Variants in GRID2 observed in about 807,000 individuals in gnomAD.
GRID2 encodes the protein glutamate ionotropic receptor delta type subunit 2, also known as glutamate receptor ionotropic, delta-2.
GRID2 carries 33 observed loss-of-function variants against 114.8 expected under a neutral mutation model. The ratio of observed to expected loss-of-function variants is 0.29; its 90% CI spans 0.22 to 0.38. The LOEUF (loss-of-function observed/expected upper bound fraction) is 0.38. Among genes scored for constraint, GRID2 ranks in the 10% least tolerant of loss-of-function variants. The pLI, the probability that GRID2 is intolerant of heterozygous loss-of-function variation, is 1.00. For missense variants in GRID2, 1,184 were observed against 1,257.7 expected (o/e 0.94, Z 0.89); for synonymous variants, 505 against 449.9 (o/e 1.12, Z -1.55).
intron 4 of GRID2, among the ~76,000 whole-genome samples, chr4:93,201,725 A>G (rs555724071): frequency 1.8e-3 from 267 of 152,332 alleles, no homozygotes; most frequent in African/African-American, 6.1e-3. Context: ...CTAGTGAGAA[A>G]CAAGCTCGGG....
At chr4:92,979,244 A>G (rs939528885) in intron 2 of GRID2, among the ~76,000 whole-genome samples, 4 of 151,994 alleles carry the variant, frequency 2.6e-5, no homozygotes, top group African/African-American at 9.7e-5. Context: ...AATATTCTGG[A>G]TACATTTAAC....
intron 2 of GRID2, among the ~76,000 whole-genome samples, chr4:92,646,180 A>G (rs1223237699): frequency 1.3e-4 from 1 of 7,812 alleles, no homozygotes; most frequent in Non-Finnish European, 5.2e-4. Context: ...CAGTTCATCT[A>G]TAATTAATAA....
rs555215818 is a variant in GRID2, at chr4:93,186,620, C to T, written c.736-20784C>T. ...TTTTTGTTTTGTTTTGTTTTAGCTA[C>T]TTTTGGTATTTTTCAAATATTTTAA... is the stretch of plus-strand genomic sequence containing the variant. On this transcript the variant is annotated intron_variant, in intron 4 of 15. Coordinates refer to ENST00000282020, the MANE Select transcript of GRID2 (RefSeq NM_001510.4). Among the ~76,000 whole-genome samples the T allele has an allele frequency of 5.3e-5, 8 of 152,166 alleles. No homozygotes were observed. In the East Asian group the frequency reaches 1.4e-3, roughly 26 times the overall value.
intron 14 of GRID2, among the ~76,000 whole-genome samples, chr4:93,763,442 C>A (rs1009458489): frequency 6.6e-6 from 1 of 152,152 alleles, no homozygotes; most frequent in East Asian, 1.9e-4. Flanking sequence ...CAAATTGTAG[C>A]ATGAATACAT....
At chr4:92,655,620 CTT>C (rs894557457) in intron 2 of GRID2, among the ~76,000 whole-genome samples, 6 of 149,810 alleles carry the variant, frequency 4.0e-5, no homozygotes, top group Non-Finnish European at 7.4e-5. Flanking sequence ...TCTAAGTATT[CTT>C]TTTTTTTGTA....
chr4:92,344,766 T>C (rs944634502), intron 1 of GRID2, among the ~76,000 whole-genome samples: 25 of 152,138 alleles, frequency 1.6e-4, no homozygotes, highest in African/African-American at 5.3e-4. Flanking sequence ...CCCAAAGAGA[T>C]AGAGGGAAGC....
intron 1 of GRID2, among the ~76,000 whole-genome samples, chr4:92,386,550 A>C (rs894535351): frequency 2.0e-5 from 3 of 151,840 alleles, no homozygotes; most frequent in Non-Finnish European, 4.4e-5. Context: ...AAAAATAAAA[A>C]ATCTTTTATG....
intron 2 of GRID2, among the ~76,000 whole-genome samples, chr4:93,066,699 G>A (rs777725280): frequency 2.0e-5 from 3 of 151,756 alleles, no homozygotes; most frequent in Non-Finnish European, 4.4e-5. Flanking sequence ...AGCAACCTAA[G>A]CATATGATTT....
intron 13 of GRID2, among the ~76,000 whole-genome samples, chr4:93,595,434 GC>G (rs1738980884): frequency 6.6e-6 from 1 of 152,118 alleles, no homozygotes; most frequent in Admixed American, 6.5e-5. Flanking sequence ...GGGAACTTGG[GC>G]AAATTATTGA....
chr4:92,884,986 T>C, intron 2 of GRID2: 1 of 293,628 alleles, frequency 3.4e-6, no homozygotes, highest in South Asian at 3.4e-5. Flanking sequence ...TAAAGGTGTA[T>C]AGGATTAATT....
chr4:93,427,022 C>T (rs1261539953), intron 10 of GRID2, among the ~76,000 whole-genome samples: 1 of 151,714 alleles, frequency 6.6e-6, no homozygotes, highest in African/African-American at 2.4e-5. Context: ...TCATGAATGC[C>T]AACAGAAAAT....
At chr4:92,716,691 G>C (rs529567287) in intron 2 of GRID2, among the ~76,000 whole-genome samples, 136 of 152,228 alleles carry the variant, frequency 8.9e-4, no homozygotes, top group African/African-American at 3.1e-3. Flanking sequence ...GCATCACATA[G>C]GGAGTTGCCT....
At position 93,774,118 on chromosome 4, in the gene GRID2, A is replaced by T. The variant is rs1485384686; in HGVS notation, c.*1620A>T. ...AGAAATTAAAAGGTATATTCTTAAG[A>T]TATATTATATTTTGATGCTAATTCT... On this transcript the variant is annotated 3_prime_UTR_variant, in exon 16 of 16. Transcript: ENST00000282020. 1 of 152,052 alleles carries T rather than the reference A, an allele frequency of 6.6e-6. No homozygotes were observed. Among genetic ancestry groups the T allele is most frequent in the Non-Finnish European group, 1.5e-5 (1 of 67,954 alleles). The allele number at this position is 152,052 out of a possible 1,614,324, so 9.4% of individuals were successfully genotyped here. A position where few individuals can be genotyped will look rare whatever the true frequency, so the allele number is the denominator to read the frequency against.
intron 2 of GRID2, among the ~76,000 whole-genome samples, chr4:92,960,180 C>T (rs1186404695): frequency 6.6e-6 from 1 of 151,818 alleles, no homozygotes; most frequent in East Asian, 1.9e-4. Context: ...TTTTATGGCC[C>T]AGAATGTGGT....
chr4:92,548,495 G>A (rs1473845209), intron 1 of GRID2, among the ~76,000 whole-genome samples: 3 of 138,844 alleles, frequency 2.2e-5, no homozygotes, highest in Middle Eastern at 3.8e-3. Context: ...TCCGCCTGCC[G>A]GGTTCAAGTG....
chr4:93,158,071 C>A (rs1027643673), intron 4 of GRID2, among the ~76,000 whole-genome samples: 1 of 151,820 alleles, frequency 6.6e-6, no homozygotes, highest in African/African-American at 2.4e-5. Context: ...TATTACACAA[C>A]TTTCTCAATC....
At chr4:92,332,057 T>A (rs190920602) in intron 1 of GRID2, among the ~76,000 whole-genome samples, 4 of 152,284 alleles carry the variant, frequency 2.6e-5, no homozygotes, top group Non-Finnish European at 2.9e-5. Flanking sequence ...TCTCAGAAAT[T>A]ATGCTTGAAG....
rs189900986 is a variant in GRID2 at position 92,564,948 on chromosome 4, C to A, written c.89-25183C>A. On this transcript the variant is annotated intron_variant, in intron 1 of 15. Coordinates refer to ENST00000282020, the MANE Select transcript of GRID2 (RefSeq NM_001510.4). Reference sequence around the variant, plus strand: ...GTGGGAAGTATATCATGCCAGAATGCATTTGCTGTTCCCCTATCAAGTGAT... The same window carrying A: ...GTGGGAAGTATATCATGCCAGAATGAATTTGCTGTTCCCCTATCAAGTGAT... Among the ~76,000 whole-genome samples, 673 of 151,996 alleles carry A rather than the reference C, an allele frequency of 4.4e-3. 5 individuals carry two copies. The highest frequency in any genetic ancestry group is 8.3e-3 in the Non-Finnish European group (565 of 67,906).
At chr4:93,696,612 G>T (rs72672440) in intron 14 of GRID2, among the ~76,000 whole-genome samples, 2,733 of 152,280 alleles carry the variant, frequency 0.018, 34 homozygotes, top group Non-Finnish European at 0.024. Flanking sequence ...CTGCAGGTTA[G>T]TTACATATGT....
Sources: allele counts gnomAD v4.1 joint callset (sites outside exome capture counted in the v4.1 genomes callset), GRCh38; gene constraint gnomAD v4.1.1; transcripts MANE v1.5; gene names NCBI Gene and HGNC (gene_info 2026-07-23, HGNC 2026-07-21).